The following SLC9B1 variants were observed in gnomAD, a reference collection of about 807,000 sequenced individuals.
The protein encoded by SLC9B1 is sodium/hydrogen exchanger 9B1.
A neutral mutation model predicts 51.7 loss-of-function variants in SLC9B1; 32 were observed. That is an observed-to-expected ratio of 0.62 (90% CI 0.47 to 0.83). The LOEUF is 0.83. Among genes scored for constraint, SLC9B1 ranks in the 40% least tolerant of loss-of-function variants. The pLI is 0.00. For missense variants in SLC9B1, 406 were observed against 613.2 expected, an observed-to-expected ratio of 0.66 and a Z score of 3.57; for synonymous variants, 145 against 212.7, an observed-to-expected ratio of 0.68 and a Z score of 2.77.
chr4:103,009,201 A>C (rs188946873), intron 1 of SLC9B1, among the ~76,000 whole-genome samples: 2 of 152,362 alleles, frequency 1.3e-5, no homozygotes, highest in East Asian at 3.9e-4. Flanking sequence ...TCATTTCTTA[A>C]ATACCATGTA....
chr4:102,943,506 T>TATAC (rs1553982064), intron 6 of SLC9B1, among the ~76,000 whole-genome samples: 4 of 145,592 alleles, frequency 2.7e-5, no homozygotes, highest in African/African-American at 1.0e-4. Flanking sequence ...TGTGTATGTA[T>TATAC]ACACACACAC....
At chr4:103,000,551 T>C (rs1420426445) in intron 1 of SLC9B1, among the ~76,000 whole-genome samples, 2 of 152,238 alleles carry the variant, frequency 1.3e-5, no homozygotes, top group African/African-American at 2.4e-5. Context: ...ATTCCTGTTC[T>C]AGATGGGAGA....
intron 7 of SLC9B1, among the ~76,000 whole-genome samples, chr4:102,927,255 C>G (rs1417371436): frequency 6.6e-6 from 1 of 152,150 alleles, no homozygotes; most frequent in Non-Finnish European, 1.5e-5. Context: ...GAAATGGAAT[C>G]TAACTAAACT....
intron 1 of SLC9B1, among the ~76,000 whole-genome samples, chr4:102,998,379 T>A (rs1401713419): frequency 6.6e-6 from 1 of 152,312 alleles, no homozygotes; most frequent in African/African-American, 2.4e-5. Context: ...CCTTCCTTTT[T>A]AAAGGCTGAA....
chr4:102,957,014 A>T (rs1189477783), intron 3 of SLC9B1, among the ~76,000 whole-genome samples: 1 of 152,196 alleles, frequency 6.6e-6, no homozygotes, highest in East Asian at 1.9e-4. Flanking sequence ...TAGAATCGAA[A>T]AGTACAACAG....
chr4:102,923,112 A>G (rs1391431959), intron 7 of SLC9B1, among the ~76,000 whole-genome samples: 2 of 152,180 alleles, frequency 1.3e-5, no homozygotes, highest in African/African-American at 4.8e-5. Flanking sequence ...CAACAACAAA[A>G]AAGGGAATTT....
At chr4:102,931,587 A>C (rs1308132401) in intron 7 of SLC9B1, among the ~76,000 whole-genome samples, 4 of 152,220 alleles carry the variant, frequency 2.6e-5, no homozygotes, top group African/African-American at 9.6e-5. Context: ...GCATTACTAA[A>C]TGTGGAAATG....
chr4:102,914,830 A>G (rs545064120), intron 7 of SLC9B1, among the ~76,000 whole-genome samples: 2 of 152,368 alleles, frequency 1.3e-5, no homozygotes, highest in South Asian at 4.1e-4. Flanking sequence ...AGTTAAAAAA[A>G]TGACCAAAAA....
chr4:102,981,014 C>T (rs1739325992), intron 3 of SLC9B1, among the ~76,000 whole-genome samples: 1 of 152,174 alleles, frequency 6.6e-6, no homozygotes, highest in African/African-American at 2.4e-5. Flanking sequence ...CCTCCCTCCT[C>T]TCAATTCCTG....
chr4:103,001,951 G>A (rs944242385), intron 1 of SLC9B1, among the ~76,000 whole-genome samples: 4 of 152,196 alleles, frequency 2.6e-5, no homozygotes, highest in Non-Finnish European at 5.9e-5. Context: ...ATGGTGGAAG[G>A]CAAAGGAGGA....
chr4:102,926,562 G>A (rs1264470224), intron 7 of SLC9B1, among the ~76,000 whole-genome samples: 1 of 152,138 alleles, frequency 6.6e-6, no homozygotes, highest in Non-Finnish European at 1.5e-5. Flanking sequence ...ACCTCTTCAA[G>A]GAGAACTACA....
chr4:102,957,075 A>C (rs1737849311), intron 3 of SLC9B1, among the ~76,000 whole-genome samples: 1 of 152,178 alleles, frequency 6.6e-6, no homozygotes, highest in Admixed American at 6.5e-5. Context: ...TGACCTTGTG[A>C]AAGAAAGTAT....
intron 3 of SLC9B1, among the ~76,000 whole-genome samples, chr4:102,956,831 T>C (rs1207440924): frequency 2.0e-5 from 3 of 152,184 alleles, no homozygotes; most frequent in African/African-American, 7.2e-5. Context: ...CAGGAAAATA[T>C]GGTTCATACT....
At chr4:103,018,141 A>C (rs1269727010) in intron 1 of SLC9B1, among the ~76,000 whole-genome samples, 2 of 152,238 alleles carry the variant, frequency 1.3e-5, no homozygotes, top group African/African-American at 4.8e-5. Flanking sequence ...TAACCAACAG[A>C]AGTGTTTAAA....
intron 7 of SLC9B1, among the ~76,000 whole-genome samples, chr4:102,914,728 C>T (rs1165635191): frequency 5.9e-5 from 9 of 152,062 alleles, no homozygotes; most frequent in African/African-American, 9.7e-5. Flanking sequence ...AGAGTGAAGA[C>T]AGCCTAAGAG....
At chr4:102,976,368 T>C (rs138680456) in intron 3 of SLC9B1, among the ~76,000 whole-genome samples, 1 of 152,216 alleles carries the variant, frequency 6.6e-6, no homozygotes, top group Non-Finnish European at 1.5e-5. Flanking sequence ...CTTCTGAAAT[T>C]CAAAGATATT....
chr4:102,907,313 A>T (rs1442891627), intron 9 of SLC9B1, among the ~76,000 whole-genome samples: 1 of 152,152 alleles, frequency 6.6e-6, no homozygotes, highest in Non-Finnish European at 1.5e-5. Context: ...TCATGCAAAC[A>T]TTTGGGTTCT....
chr4:103,017,997 G>C (rs762457787), intron 1 of SLC9B1, among the ~76,000 whole-genome samples: 12 of 152,122 alleles, frequency 7.9e-5, no homozygotes, highest in Non-Finnish European at 1.8e-4. Context: ...AACAAAAGTG[G>C]CTAAGGTATG....
chr4:102,996,089 CTT>C (rs1740200231), intron 1 of SLC9B1, among the ~76,000 whole-genome samples: 1 of 152,056 alleles, frequency 6.6e-6, no homozygotes, highest in Non-Finnish European at 1.5e-5. Context: ...AGTATTGTCT[CTT>C]TTTTCTTTTA....
Sources: gnomAD v4.1 joint callset for allele counts (sites outside exome capture counted in the v4.1 genomes callset) on GRCh38, gnomAD v4.1.1 for gene constraint, MANE v1.5 for transcripts, NCBI Gene and HGNC (gene_info 2026-07-23, HGNC 2026-07-21) for gene names.